The following PDE8B variants were observed in gnomAD, a reference collection of about 807,000 sequenced individuals.
PDE8B encodes phosphodiesterase 8B.
PDE8B carries 26 observed loss-of-function variants against 101.3 expected under a neutral mutation model. The observed-to-expected ratio is 0.26, with a 90% CI of 0.19 to 0.36. The LOEUF (loss-of-function observed/expected upper bound fraction) is 0.36, where lower values mean the gene tolerates loss of function less well. PDE8B is among the 10% of genes least tolerant of loss of function. The probability of loss-of-function intolerance (pLI) is 1.00; values close to 1 mark genes in which losing one functional copy is unlikely to be tolerated. For synonymous variants in PDE8B, 424 were observed against 429.3 expected (o/e 0.99, Z 0.15); for missense variants, 810 against 1,163.1 (o/e 0.70, Z 4.42).
At chr5:77,340,600 A>AGTGTGTGTGTGTGTGTGTGTGT (rs34764404) in intron 6 of PDE8B, among the ~76,000 whole-genome samples, 7 of 140,078 alleles carry the variant, frequency 5.0e-5, no homozygotes, top group African/African-American at 1.9e-4. Context: ...GCAGCCTCAC[A>AGTGTGTGTGTGTGTGTGTGTGT]GTGTGTGTGT....
chr5:77,410,736 A>C (rs1489353807), intron 14 of PDE8B: 1 of 152,258 alleles, frequency 6.6e-6, no homozygotes, highest in African/African-American at 2.4e-5. Context: ...TGGCCTAAAG[A>C]TCCAACATGT....
chr5:77,292,803 T>G (rs1216330534), intron 1 of PDE8B, among the ~76,000 whole-genome samples: 1 of 152,216 alleles, frequency 6.6e-6, no homozygotes. Flanking sequence ...CTAATATTTT[T>G]TCTCAGTTTT....
At chr5:77,270,678 T>C (rs570284197) in intron 1 of PDE8B, among the ~76,000 whole-genome samples, 1 of 152,336 alleles carries the variant, frequency 6.6e-6, no homozygotes, top group South Asian at 2.1e-4. Context: ...TAGTGATTTT[T>C]CCGGGCTCTT....
At position 77,291,209 on chromosome 5, in the gene PDE8B, C is replaced by T. The variant is rs1441512293; in HGVS notation, c.340-20785C>T. On this transcript the variant is annotated intron_variant, in intron 1 of 21. Transcript: ENST00000264917. ...GGCGACTGTTTGTACATGAAAGCAT[C>T]CATCATGAGGTTGTAAACAGACTTA... The T allele has an allele frequency of 4.3e-6, 7 of 1,610,572 alleles. No homozygotes were observed. The African/African-American group carries it at 8.0e-5, about 18-fold the overall frequency.
the PDE8B span, among the ~76,000 whole-genome samples, chr5:77,108,829 T>C: frequency 6.6e-6 from 1 of 152,250 alleles, no homozygotes; most frequent in African/African-American, 2.4e-5. Flanking sequence ...TAATTTTTGT[T>C]GTCAGCATTG....
intron 1 of PDE8B, among the ~76,000 whole-genome samples, chr5:77,273,000 G>A (rs1763101388): frequency 6.6e-6 from 1 of 152,286 alleles, no homozygotes; most frequent in Admixed American, 6.5e-5. Flanking sequence ...GTTACAAGAC[G>A]GAGGAGAAAG....
At chr5:77,092,951 T>G in the PDE8B span, among the ~76,000 whole-genome samples, 1 of 152,124 alleles carries the variant, frequency 6.6e-6, no homozygotes, top group Non-Finnish European at 1.5e-5. Flanking sequence ...GAGAAAAATA[T>G]TTATCAAGAT....
At chr5:77,326,584 T>G (rs535649048) in intron 3 of PDE8B, among the ~76,000 whole-genome samples, 2 of 152,330 alleles carry the variant, frequency 1.3e-5, no homozygotes, top group African/African-American at 4.8e-5. Flanking sequence ...GAAGAATTTT[T>G]CTTAAGCATC....
chr5:77,295,817 A>G (rs1169530106), intron 1 of PDE8B, among the ~76,000 whole-genome samples: 1 of 152,248 alleles, frequency 6.6e-6, no homozygotes, highest in Non-Finnish European at 1.5e-5. Flanking sequence ...TGGAAGTGTT[A>G]CAAAGGATCT....
rs756410834 is a variant in PDE8B, at chr5:77,381,224, T to C, written c.1168-19024T>C. Among the ~76,000 whole-genome samples, 31 of 152,210 alleles carry C rather than the reference T, an allele frequency of 2.0e-4. 1 individual carries two copies. The highest frequency in any genetic ancestry group is 3.1e-4 in the Non-Finnish European group (21 of 68,044). ...AAATACATAGTTTGCAAGCTTACAC[T>C]GGCTGATGAGAATAGACTGGGTTGG... On this transcript the variant is annotated intron_variant, in intron 10 of 21. Coordinates refer to ENST00000264917, the MANE Select transcript of PDE8B (RefSeq NM_003719.5).
At chr5:77,312,432 A>G (rs890129291) in intron 2 of PDE8B, among the ~76,000 whole-genome samples, 1 of 152,134 alleles carries the variant, frequency 6.6e-6, no homozygotes, top group Non-Finnish European at 1.5e-5. Flanking sequence ...TGAAGACCTA[A>G]ACATTTCCCC....
intron 10 of PDE8B, among the ~76,000 whole-genome samples, chr5:77,380,311 A>G (rs1255185913): frequency 2.0e-5 from 3 of 152,230 alleles, no homozygotes; most frequent in African/African-American, 7.2e-5. Flanking sequence ...AACATCTACC[A>G]TTTGTACCAT....
intron 10 of PDE8B, among the ~76,000 whole-genome samples, chr5:77,383,562 A>G (rs1408450213): frequency 6.6e-6 from 1 of 152,198 alleles, no homozygotes; most frequent in African/African-American, 2.4e-5. Flanking sequence ...GCCCATGCCT[A>G]TGTCATGAAT....
Position 77,413,099 on chromosome 5 carries a change from C to G in PDE8B, c.1713-12C>G, listed in dbSNP as rs763626215. 76 of 1,612,468 alleles carry G rather than the reference C, an allele frequency of 4.7e-5. No individual in the cohort carries two copies. The highest frequency in any genetic ancestry group is 5.8e-5 in the Non-Finnish European group (68 of 1,178,764). On this transcript the variant is annotated splice_polypyrimidine_tract_variant and intron_variant, in intron 16 of 21. Coordinates refer to ENST00000264917, the MANE Select transcript of PDE8B (RefSeq NM_003719.5). Reference sequence around the variant, plus strand: ...AATACAATGAGCCAGGGTGGGTTTTCCTATTTTTCAGGCCATTGGTTTATC... The same window carrying G: ...AATACAATGAGCCAGGGTGGGTTTTGCTATTTTTCAGGCCATTGGTTTATC...
At chr5:77,330,105 G>A (rs1222999977) in intron 4 of PDE8B, among the ~76,000 whole-genome samples, 5 of 152,162 alleles carry the variant, frequency 3.3e-5, no homozygotes, top group Non-Finnish European at 7.3e-5. Context: ...AGATTCCACA[G>A]GGAATGAATG....
chr5:77,337,328 A>G lies in PDE8B; in HGVS notation c.797+13A>G. 1 of 1,284,644 alleles carries G rather than the reference A, an allele frequency of 7.8e-7. No homozygotes were observed. Among genetic ancestry groups the G allele is most frequent in the Non-Finnish European group, 1.1e-6 (1 of 883,048 alleles). 79.6% of individuals were successfully genotyped at this position (1,284,644 alleles called of 1,614,324 possible). A position where few individuals can be genotyped will look rare whatever the true frequency, so the allele number is the denominator to read the frequency against. The stretch of plus-strand genomic sequence containing the variant: ...AGTTCAAATTACGGTATGTAGCAAA[A>G]TGATACAGTAACATGAGGTTAACAA... On this transcript the variant is annotated intron_variant, in intron 6 of 21. Transcript: ENST00000264917.
the PDE8B span, among the ~76,000 whole-genome samples, chr5:77,166,178 A>G: frequency 6.7e-6 from 1 of 148,572 alleles, no homozygotes; most frequent in Non-Finnish European, 1.5e-5. Flanking sequence ...CTGTCCTGGC[A>G]TAGTTCTTGA....
chr5:77,239,321 G>A (rs1755284168), intron 1 of PDE8B, among the ~76,000 whole-genome samples: 1 of 152,166 alleles, frequency 6.6e-6, no homozygotes. Flanking sequence ...TGTCCCATGT[G>A]TATGCCACCC....
chr5:77,305,089 A>C lies in PDE8B; in HGVS notation c.340-6905A>C, dbSNP rs116153091. Among the ~76,000 whole-genome samples, 1,012 of 152,332 alleles carry C rather than the reference A, an allele frequency of 6.6e-3. 8 individuals carry two copies. Among genetic ancestry groups the C allele is most frequent in the African/African-American group, 0.022 (920 of 41,574 alleles). ...CAGGAATTGAAGTTAGCAACAGACA[A>C]GTCTGCTCAAAAGAATAGACTAGTG... On this transcript the variant is annotated intron_variant, in intron 1 of 21. Transcript: ENST00000264917.
Sources: allele counts gnomAD v4.1 joint callset (sites outside exome capture counted in the v4.1 genomes callset), GRCh38; gene constraint gnomAD v4.1.1; transcripts MANE v1.5; gene names NCBI Gene and HGNC (gene_info 2026-07-23, HGNC 2026-07-21).